Variants in FKBP11 observed in about 807,000 individuals in gnomAD.
The protein encoded by FKBP11 is peptidyl-prolyl cis-trans isomerase FKBP11.
A neutral mutation model predicts 24.7 loss-of-function variants in FKBP11; 21 were observed. The ratio of observed to expected loss-of-function variants is 0.85; its 90% CI spans 0.60 to 1.23. The LOEUF is 1.23. Among genes scored for constraint, FKBP11 ranks in the 50% most tolerant of loss-of-function variants. The probability of loss-of-function intolerance (pLI) is 0.00; values close to 1 mark genes in which losing one functional copy is unlikely to be tolerated. For missense variants in FKBP11, 245 were observed against 248.7 expected, an observed-to-expected ratio of 0.99 and a Z score of 0.10; for synonymous variants, 106 against 100.6, an observed-to-expected ratio of 1.05 and a Z score of -0.32.
In FKBP11 at chr12:48,922,217, G is replaced by T; in HGVS notation, c.389-16C>A. On this transcript the variant is annotated splice_polypyrimidine_tract_variant and intron_variant, in intron 5 of 5. Coordinates refer to ENST00000550765, the MANE Select transcript of FKBP11 (RefSeq NM_016594.3). ...ACTGCATCCGCTGGAGAGGCAGAGG[G>T]GTGGAGAGGGTTAGACTCTCTGCAT... is the stretch of plus-strand genomic sequence containing the variant. 1 of 1,605,052 alleles carries T rather than the reference G, an allele frequency of 6.2e-7. No individual in the cohort carries two copies. The highest frequency in any genetic ancestry group is 8.5e-7 in the Non-Finnish European group (1 of 1,173,178).
upstream of FKBP11, chr12:48,925,662 C>G (rs987459172): frequency 3.4e-6 from 2 of 580,648 alleles, no homozygotes; most frequent in Admixed American, 6.0e-5. Flanking sequence ...TCTGACGCAT[C>G]CGTTAGACGT....
chr12:48,932,227 T>TATATATATATATATATATA, the FKBP11 span, among the ~76,000 whole-genome samples: 2 of 37,742 alleles, frequency 5.3e-5, no homozygotes, highest in East Asian at 7.2e-4. Context: ...AAACATATAT[T>TATATATATATATATATATA]TATATATATA....
rs537059154 is a variant in FKBP11, at chr12:48,922,156, C to T, written c.434G>A (p.Arg145Gln). The T allele has an allele frequency of 1.3e-5, 21 of 1,614,056 alleles. No homozygotes were observed. The East Asian group carries it at 3.1e-4, about 24-fold the overall frequency. ...CACCAGCTTTAGCCAGTAGTTGGCT[C>T]GGATTAGTGCAATCAGCTCCACGTC... ...QYDVELIALI[R>Q]ANYWLKLVKG... Residue 145 changes from arginine (R) to glutamine (Q), a missense_variant, in exon 6 of 6, where the codon CGA becomes CAA. Arg to Gln is a conservative substitution (Grantham distance 43). Transcript: ENST00000550765.
intron 2 of FKBP11, 24 bp downstream of exon 2, chr12:48,925,022 G>GCCCCCCCCACCCCCC: frequency 2.4e-6 from 2 of 818,398 alleles, no homozygotes; most frequent in Non-Finnish European, 3.8e-6. Context: ...CCCAGGCCCC[G>GCCCCCCCCACCCCCC]CCCCGGCCCC....
the FKBP11 span, chr12:48,936,348 CACAG>C: frequency 2.0e-5 from 3 of 152,524 alleles, no homozygotes; most frequent in Non-Finnish European, 4.4e-5. Flanking sequence ...ACTATAACAC[CACAG>C]ACAAACTTTG....
At chr12:48,930,570 G>A (rs1940034912), upstream of FKBP11, among the ~76,000 whole-genome samples, 1 of 152,192 alleles carries the variant, frequency 6.6e-6, no homozygotes, top group Non-Finnish European at 1.5e-5. Flanking sequence ...AAGGGAATGA[G>A]TGGGAGGTGT....
chr12:48,924,515 G>A (rs544868549), intron 3 of FKBP11, 46 bp downstream of exon 3: 4 of 1,554,264 alleles, frequency 2.6e-6, no homozygotes, highest in Non-Finnish European at 3.6e-6. Context: ...GGCTAAGAAA[G>A]GGCTTAGGTT....
upstream of FKBP11, among the ~76,000 whole-genome samples, chr12:48,930,257 G>C (rs1294888804): frequency 6.6e-6 from 1 of 152,180 alleles, no homozygotes; most frequent in African/African-American, 2.4e-5. Flanking sequence ...CAGAATAACA[G>C]ATGTGATATG....
the FKBP11 span, chr12:48,938,359 A>C: frequency 6.6e-6 from 3 of 454,188 alleles, no homozygotes; most frequent in Non-Finnish European, 1.3e-5. Flanking sequence ...CCAACACGGA[A>C]GGGGCAGATG....
chr12:48,925,284 G>C lies in FKBP11; in HGVS notation c.129+16C>G, dbSNP rs1939938250. On this transcript the variant is annotated intron_variant, in intron 1 of 5. Transcript: ENST00000550765. ...GCTCGGCCCACGGGGGCTGAGGGTCGGGACTATCTCCTCACCAGGGTCTCC... is the reference window on the plus strand; with the variant it reads ...GCTCGGCCCACGGGGGCTGAGGGTCCGGACTATCTCCTCACCAGGGTCTCC... The C allele has an allele frequency of 6.2e-7, 1 of 1,611,226 alleles. No individual in the cohort carries two copies.
intron 2 of FKBP11, 23 bp downstream of exon 2, chr12:48,925,023 C>G (rs747196586): frequency 1.3e-6 from 2 of 1,591,954 alleles, no homozygotes; most frequent in South Asian, 1.1e-5. Flanking sequence ...CCAGGCCCCG[C>G]CCCGGCCCCC....
intron 2 of FKBP11, 29 bp downstream of exon 2, chr12:48,925,015 AGG>A: frequency 1.3e-5 from 13 of 1,024,878 alleles, no homozygotes; most frequent in Non-Finnish European, 1.7e-5. Flanking sequence ...GCCCCCTCCC[AGG>A]CCCCGCCCCG....
upstream of FKBP11, chr12:48,931,375 G>C (rs749161638): frequency 6.6e-7 from 1 of 1,525,874 alleles, no homozygotes; most frequent in South Asian, 1.2e-5. Context: ...AGTAGAAATG[G>C]AAAGGGCAAA....
At chr12:48,923,187 A>G (rs1004419446) in intron 5 of FKBP11, 27 of 1,206,340 alleles carry the variant, frequency 2.2e-5, no homozygotes, top group Non-Finnish European at 2.8e-5. Context: ...TACTCTGTGG[A>G]GTACAACACA....
upstream of FKBP11, among the ~76,000 whole-genome samples, chr12:48,930,083 T>C (rs1195614004): frequency 6.6e-6 from 1 of 152,248 alleles, no homozygotes; most frequent in African/African-American, 2.4e-5. Context: ...AGCTAAGTAC[T>C]AGCTACACGA....
upstream of FKBP11, chr12:48,925,566 G>A: frequency 9.1e-7 from 1 of 1,098,294 alleles, no homozygotes; most frequent in Non-Finnish European, 1.3e-6. Context: ...TCCTCCTGCA[G>A]CCCTTCCTCC....
chr12:48,937,946 A>C, the FKBP11 span: 1 of 158,318 alleles, frequency 6.3e-6, no homozygotes, highest in East Asian at 1.8e-4. Flanking sequence ...AAGATGGAAA[A>C]CCTCAGGCCT....
upstream of FKBP11, among the ~76,000 whole-genome samples, chr12:48,927,444 G>A (rs951487101): frequency 5.9e-5 from 9 of 152,086 alleles, no homozygotes; most frequent in African/African-American, 1.9e-4. Flanking sequence ...GTATGCATTT[G>A]TCAGAACTTA....
chr12:48,932,445 C>T, the FKBP11 span, among the ~76,000 whole-genome samples: 1 of 149,772 alleles, frequency 6.7e-6, no homozygotes, highest in African/African-American at 2.5e-5. Flanking sequence ...TACATACCCC[C>T]AGCTGACTAG....
Sources: allele counts gnomAD v4.1 joint callset (sites outside exome capture counted in the v4.1 genomes callset), GRCh38; gene constraint gnomAD v4.1.1; transcripts MANE v1.5; gene names NCBI Gene and HGNC (gene_info 2026-07-23, HGNC 2026-07-21).